Variants in SCARA5 observed in about 807,000 individuals in gnomAD.
SCARA5 encodes scavenger receptor class A, member 5 (putative).
In SCARA5, 45 loss-of-function variants were observed where a neutral mutation model predicts 46.3. That is an observed-to-expected ratio of 0.97 (90% CI 0.76 to 1.24). The LOEUF is 1.24. Ranked by LOEUF, SCARA5 falls within the 50% of genes most tolerant of loss-of-function variation. The probability of loss-of-function intolerance (pLI) is 0.00; values close to 1 mark genes in which losing one functional copy is unlikely to be tolerated. For missense variants in SCARA5, 680 were observed against 689.0 expected, an observed-to-expected ratio of 0.99 and a Z score of 0.15; for synonymous variants, 333 against 306.5, an observed-to-expected ratio of 1.09 and a Z score of -0.90.
intron 2 of SCARA5, among the ~76,000 whole-genome samples, chr8:27,984,562 A>AT: frequency 8.6e-5 from 13 of 151,746 alleles, no homozygotes; most frequent in Non-Finnish European, 1.3e-4. Context: ...CCATTCATTC[A>AT]CCCATCCATT....
chr8:27,973,433 C>T (rs983270561), intron 2 of SCARA5, among the ~76,000 whole-genome samples: 1 of 152,020 alleles, frequency 6.6e-6, no homozygotes, highest in Non-Finnish European at 1.5e-5. Context: ...GCCGAGATCG[C>T]GCCACTACAC....
Position 27,870,347 on chromosome 8 carries a change from T to C in SCARA5, c.*1587A>G, listed in dbSNP as rs1806616821. 2 of 152,658 alleles carry C rather than the reference T, an allele frequency of 1.3e-5. No individual in the cohort carries two copies. Among genetic ancestry groups the C allele is most frequent in the African/African-American group, 2.4e-5 (1 of 41,528 alleles). 9.5% of individuals were successfully genotyped at this position (152,658 alleles called of 1,614,324 possible). ...GGGATGCATGAGTACATGCGTGTTA[T>C]GTAAACATAGCAATTGGTCAGAAAG... On this transcript the variant is annotated 3_prime_UTR_variant, in exon 9 of 9. Transcript: ENST00000354914.
chr8:27,956,944 C>A (rs1284083299), intron 3 of SCARA5, among the ~76,000 whole-genome samples: 1 of 152,180 alleles, frequency 6.6e-6, no homozygotes, highest in East Asian at 1.9e-4. Flanking sequence ...AGGACGGGAG[C>A]TCATTAGTTG....
chr8:27,952,483 G>A (rs1320379), intron 3 of SCARA5, among the ~76,000 whole-genome samples: 104,724 of 151,916 alleles, frequency 0.69, 36,504 homozygotes, highest in Middle Eastern at 0.86. Flanking sequence ...TTCTGCCTTC[G>A]TTGCCATCAC....
chr8:27,944,846 C>T (rs988201991), intron 3 of SCARA5, among the ~76,000 whole-genome samples: 20 of 151,808 alleles, frequency 1.3e-4, no homozygotes, highest in African/African-American at 3.9e-4. Flanking sequence ...CTCGTCTGGG[C>T]GACAGAGCGA....
intron 4 of SCARA5, among the ~76,000 whole-genome samples, chr8:27,913,871 C>T (rs1005735735): frequency 6.6e-6 from 1 of 152,230 alleles, no homozygotes; most frequent in African/African-American, 2.4e-5. Context: ...CTTTCCTCCA[C>T]CTCTGCACAA....
chr8:27,920,592 G>A (rs1392872194), intron 4 of SCARA5, among the ~76,000 whole-genome samples: 4 of 140,386 alleles, frequency 2.8e-5, no homozygotes, highest in Admixed American at 7.3e-5. Flanking sequence ...CAGCCTGAGC[G>A]ACAGAGCGAG....
In SCARA5 at chr8:27,871,699, A is replaced by C. The variant is rs968928430; in HGVS notation, c.*235T>G. 12 of 1,386,520 alleles carry C rather than the reference A, an allele frequency of 8.7e-6. No homozygotes were observed. In the African/African-American group the frequency reaches 1.2e-4, roughly 13 times the overall value. 85.9% of individuals were successfully genotyped at this position (1,386,520 alleles called of 1,614,324 possible). On this transcript the variant is annotated 3_prime_UTR_variant, in exon 9 of 9. Transcript: ENST00000354914. ...TCCAGTTGATCAGGGCTCCTCATGC[A>C]GGAACCTGGTGGAAGAGAGAGACGG...
At chr8:27,942,673 G>A (rs1807971046) in intron 3 of SCARA5, among the ~76,000 whole-genome samples, 1 of 152,156 alleles carries the variant, frequency 6.6e-6, no homozygotes, top group Non-Finnish European at 1.5e-5. Flanking sequence ...GCACGGTACT[G>A]CAGAAGTGTT....
chr8:27,975,031 G>C (rs1308642907), intron 2 of SCARA5, among the ~76,000 whole-genome samples: 2 of 152,194 alleles, frequency 1.3e-5, no homozygotes, highest in East Asian at 3.9e-4. Context: ...TCAGGATGGA[G>C]GCTGGCCACT....
chr8:27,987,674 GGA>G, intron 1 of SCARA5, 44 bp from the exon 2 acceptor site: 1 of 1,151,136 alleles, frequency 8.7e-7, no homozygotes, highest in Admixed American at 1.7e-5. Context: ...ACGAAGGCCG[GGA>G]GAGAGACAGA....
At chr8:27,984,545 C>CATCT (rs2129980977) in intron 2 of SCARA5, among the ~76,000 whole-genome samples, 3 of 152,024 alleles carry the variant, frequency 2.0e-5, no homozygotes, top group Non-Finnish European at 2.9e-5. Flanking sequence ...TTCATTCATC[C>CATCT]ATCCATCCAT....
chr8:27,909,845 G>A, intron 4 of SCARA5, 102 bp from the exon 5 acceptor site: 1 of 695,128 alleles, frequency 1.4e-6, no homozygotes, highest in Middle Eastern at 2.6e-4. Context: ...GAGAGGAAGG[G>A]GCAGCATTAG....
At chr8:27,991,148 A>G (rs1808781165) in intron 1 of SCARA5, among the ~76,000 whole-genome samples, 1 of 152,184 alleles carries the variant, frequency 6.6e-6, no homozygotes, top group South Asian at 2.1e-4. Flanking sequence ...TCTTGGGGGA[A>G]CTTGGCTCAA....
At chr8:27,875,386 G>T (rs576989322) in intron 8 of SCARA5, among the ~76,000 whole-genome samples, 5 of 152,320 alleles carry the variant, frequency 3.3e-5, no homozygotes, top group African/African-American at 1.2e-4. Context: ...AGTATAAGAA[G>T]TGCTGTGATA....
chr8:27,979,807 C>T lies in SCARA5; in HGVS notation c.112+7697G>A, dbSNP rs140214290. On this transcript the variant is annotated intron_variant, in intron 2 of 8. Transcript: ENST00000354914. ...AACTCCTGAGTTCAGGCAATCCACC[C>T]GCCTCGGCCTCCCAAAGTGCCAGAA... Among the ~76,000 whole-genome samples, 80 of 152,238 alleles carry T rather than the reference C, an allele frequency of 5.3e-4. 1 individual carries two copies. In the East Asian group the frequency reaches 9.9e-3, roughly 19 times the overall value.
At chr8:27,987,091 C>A (rs1395895236) in intron 2 of SCARA5, among the ~76,000 whole-genome samples, 1 of 152,230 alleles carries the variant, frequency 6.6e-6, no homozygotes, top group Admixed American at 6.5e-5. Flanking sequence ...CCTTGGAGAG[C>A]TCTTTGCCCC....
intron 3 of SCARA5, among the ~76,000 whole-genome samples, chr8:27,930,629 G>A (rs112112362): frequency 0.053 from 8,069 of 152,098 alleles, 358 homozygotes; most frequent in East Asian, 0.21. Context: ...CTCGAACTCC[G>A]GACCTCAGGT....
intron 3 of SCARA5, among the ~76,000 whole-genome samples, chr8:27,954,696 A>G (rs564652445): frequency 1.5e-4 from 23 of 152,292 alleles, no homozygotes; most frequent in Non-Finnish European, 3.1e-4. Flanking sequence ...CATTTCCTGG[A>G]GACAAATAGA....
Sources: allele counts gnomAD v4.1 joint callset (sites outside exome capture counted in the v4.1 genomes callset), GRCh38; gene constraint gnomAD v4.1.1; transcripts MANE v1.5; gene names NCBI Gene and HGNC (gene_info 2026-07-23, HGNC 2026-07-21).